FBXL5: variants seen among roughly 807,000 people sequenced by gnomAD.
The protein encoded by FBXL5 is F-box and leucine rich repeat protein 5.
In FBXL5, 26 loss-of-function variants were observed where a neutral mutation model predicts 78.3. That is an observed-to-expected ratio of 0.33 (90% CI 0.24 to 0.46). The LOEUF is 0.46. Among genes scored for constraint, FBXL5 ranks in the 20% least tolerant of loss-of-function variants. The pLI, the probability that FBXL5 is intolerant of heterozygous loss-of-function variation, is 1.00. For synonymous variants in FBXL5, 295 were observed against 282.5 expected, an observed-to-expected ratio of 1.04 and a Z score of -0.45; for missense variants, 710 against 829.2, an observed-to-expected ratio of 0.86 and a Z score of 1.77.
chr4:15,647,509 T>C (rs1715495231), intron 1 of FBXL5, among the ~76,000 whole-genome samples: 1 of 152,204 alleles, frequency 6.6e-6, no homozygotes, highest in African/African-American at 2.4e-5. Flanking sequence ...TGTAATGCCC[T>C]AACATGAGTT....
At chr4:15,639,117 T>C (rs966592871) in intron 3 of FBXL5, among the ~76,000 whole-genome samples, 60 of 152,220 alleles carry the variant, frequency 3.9e-4, no homozygotes, top group African/African-American at 1.4e-3. Context: ...CGAGCCGATA[T>C]TGCGCCATTG....
chr4:15,614,896 T>A (rs745749356), intron 9 of FBXL5, among the ~76,000 whole-genome samples: 5 of 152,144 alleles, frequency 3.3e-5, no homozygotes, highest in Non-Finnish European at 7.4e-5. Flanking sequence ...CTCCCTCAGC[T>A]TGCAGGGAGG....
chr4:15,636,183 G>T (rs993475089), intron 5 of FBXL5, among the ~76,000 whole-genome samples: 2 of 152,026 alleles, frequency 1.3e-5, no homozygotes, highest in Non-Finnish European at 2.9e-5. Flanking sequence ...GTCAAAAGCA[G>T]AACTAGTATA....
chr4:15,613,985 T>C (rs1309735510), intron 9 of FBXL5, among the ~76,000 whole-genome samples: 12 of 152,222 alleles, frequency 7.9e-5, no homozygotes, highest in African/African-American at 1.2e-4. Flanking sequence ...GGTGAGCTAG[T>C]GTGTTCCTTT....
rs35166916 is a variant in FBXL5 at position 15,674,204 on chromosome 4, GTT to G, written c.-284+7177_-284+7178del. On this transcript the variant is annotated intron_variant, in intron 1 of 4. Transcript: ENST00000507899. ...GATTATGAAATATCAAATGCATCGT[GTT>G]TTTTTTTTTTTTTTAATTCTCTAGC... Among the ~76,000 whole-genome samples the G allele has an allele frequency of 9.4e-3, 1,321 of 140,196 alleles. 13 individuals carry two copies. Among genetic ancestry groups the G allele is most frequent in the African/African-American group, 0.026 (990 of 38,474 alleles). The allele number at this position is 140,196 out of a possible 152,430, so 92.0% of individuals were successfully genotyped here.
At position 15,621,559 on chromosome 4, in the gene FBXL5, A is replaced by G. The variant is rs1300149597; in HGVS notation, c.1850+3693T>C. Among the ~76,000 whole-genome samples the G allele has an allele frequency of 2.0e-5, 3 of 152,216 alleles. No individual in the cohort carries two copies. The East Asian group carries it at 5.8e-4, about 29-fold the overall frequency. On this transcript the variant is annotated intron_variant, in intron 9 of 10. Coordinates refer to ENST00000341285, the MANE Select transcript of FBXL5 (RefSeq NM_012161.4). ...ATAATGTGGTATATAAAAAGGAATG[A>G]CGTTCTGATACATGCTACGATGTGA...
At chr4:15,630,040 T>C (rs1713457306) in intron 6 of FBXL5, among the ~76,000 whole-genome samples, 3 of 152,176 alleles carry the variant, frequency 2.0e-5, no homozygotes, top group Admixed American at 6.5e-5. Context: ...TATGACAGCA[T>C]TTTTCCATCA....
At chr4:15,672,675 G>T (rs1717814933) in intron 1 of FBXL5, among the ~76,000 whole-genome samples, 1 of 152,146 alleles carries the variant, frequency 6.6e-6, no homozygotes, top group African/African-American at 2.4e-5. Context: ...GAAAGTGAAG[G>T]CCTAGGACAT....
chr4:15,654,485 C>T (rs970043550), intron 1 of FBXL5, among the ~76,000 whole-genome samples: 3 of 152,144 alleles, frequency 2.0e-5, no homozygotes, highest in African/African-American at 7.2e-5. Flanking sequence ...TTTATTCGAG[C>T]TCATATAAAG....
intron 9 of FBXL5, 43 bp downstream of exon 9, chr4:15,625,209 G>C: frequency 6.6e-7 from 1 of 1,509,678 alleles, no homozygotes; most frequent in Non-Finnish European, 8.8e-7. Flanking sequence ...ATTTGGAAAT[G>C]AGAACACGTC....
Position 15,625,235 on chromosome 4 carries a change from T to C in FBXL5, c.1850+17A>G, listed in dbSNP as rs780360467. 1 of 1,563,540 alleles carries C rather than the reference T, an allele frequency of 6.4e-7. No individual in the cohort carries two copies. Reference sequence around the variant, plus strand: ...AGAACACGTCTATTTCTTAATATTCTGGAACTGATAACTCACCTGAGACCA... The same window carrying C: ...AGAACACGTCTATTTCTTAATATTCCGGAACTGATAACTCACCTGAGACCA... On this transcript the variant is annotated intron_variant, in intron 9 of 10. Coordinates refer to ENST00000341285, the MANE Select transcript of FBXL5 (RefSeq NM_012161.4).
At chr4:15,655,461 T>G (rs1051602976), upstream of FBXL5, 8 of 899,544 alleles carry the variant, frequency 8.9e-6, no homozygotes, top group African/African-American at 5.4e-5. Flanking sequence ...CGCCATGCGA[T>G]CCCTGCGGCC....
chr4:15,646,252 A>G (rs561087215), intron 1 of FBXL5, among the ~76,000 whole-genome samples: 27 of 152,352 alleles, frequency 1.8e-4, no homozygotes, highest in South Asian at 6.2e-4. Context: ...ACATGTCACA[A>G]AATACTATTC....
intron 6 of FBXL5, among the ~76,000 whole-genome samples, chr4:15,630,115 G>A (rs759976984): frequency 2.6e-5 from 4 of 152,126 alleles, no homozygotes; most frequent in Non-Finnish European, 5.9e-5. Context: ...TTGGAGTAGC[G>A]ATGAAGTCTT....
intron 9 of FBXL5, among the ~76,000 whole-genome samples, chr4:15,613,831 A>C (rs531604548): frequency 4.0e-4 from 45 of 113,124 alleles, no homozygotes; most frequent in Non-Finnish European, 6.2e-4. Flanking sequence ...TCCCATCCAT[A>C]TCTTATAACT....
At chr4:15,661,632 C>CT (rs975139845), upstream of FBXL5, among the ~76,000 whole-genome samples, 2 of 151,980 alleles carry the variant, frequency 1.3e-5, no homozygotes, top group Non-Finnish European at 2.9e-5. Context: ...AAGATGGGGT[C>CT]TTTTTTTTCT....
intron 2 of FBXL5, 22 bp from the exon 3 acceptor site, chr4:15,640,905 C>G (rs758823411): frequency 3.9e-6 from 5 of 1,274,794 alleles, no homozygotes; most frequent in South Asian, 1.5e-5. Context: ...AAAAAAAATA[C>G]ATTTTTATAA....
At chr4:15,652,650 T>C (rs1486815746) in intron 1 of FBXL5, among the ~76,000 whole-genome samples, 1 of 152,188 alleles carries the variant, frequency 6.6e-6, no homozygotes, top group African/African-American at 2.4e-5. Flanking sequence ...TAACATAACT[T>C]TGGAATACAT....
intron 7 of FBXL5, 66 bp downstream of exon 7, chr4:15,627,819 T>C: frequency 6.6e-7 from 1 of 1,510,400 alleles, no homozygotes; most frequent in Non-Finnish European, 9.0e-7. Context: ...AACTCAGGAA[T>C]GAGCAAACCA....
Sources: gnomAD v4.1 joint callset for allele counts (sites outside exome capture counted in the v4.1 genomes callset) on GRCh38, gnomAD v4.1.1 for gene constraint, MANE v1.5 for transcripts, NCBI Gene and HGNC (gene_info 2026-07-23, HGNC 2026-07-21) for gene names.